The following PTPRT variants were observed in gnomAD, a reference collection of about 807,000 sequenced individuals.
PTPRT encodes receptor-type tyrosine-protein phosphatase T.
In PTPRT, 56 loss-of-function variants were observed where a neutral mutation model predicts 176.8. That is an observed-to-expected ratio of 0.32 (90% CI 0.26 to 0.40). The LOEUF (loss-of-function observed/expected upper bound fraction) is 0.40. PTPRT is among the 10% of genes least tolerant of loss of function. The pLI, the probability that PTPRT is intolerant of heterozygous loss-of-function variation, is 1.00. For missense variants in PTPRT, 1,540 were observed against 1,908.2 expected, an observed-to-expected ratio of 0.81 and a Z score of 3.60; for synonymous variants, 783 against 739.0, an observed-to-expected ratio of 1.06 and a Z score of -0.96.
chr20:43,091,519 TTTCTC>T (rs2011868544), intron 1 of PTPRT, among the ~76,000 whole-genome samples: 3 of 146,674 alleles, frequency 2.0e-5, no homozygotes, highest in African/African-American at 7.8e-5. Context: ...CCCCCCTCTC[TTTCTC>T]TCTCTCTCTC....
chr20:42,327,725 C>T lies in PTPRT; in HGVS notation c.1866-11729G>A, dbSNP rs149762613. 4.7e-4 allele frequency among the ~76,000 whole-genome samples: 72 copies of T among 152,022 alleles called. 1 individual carries two copies. In the East Asian group the frequency reaches 0.014, roughly 29 times the overall value. The stretch of plus-strand genomic sequence containing the variant: ...GTTTGAAATCAAAGAAAAAGATAAT[C>T]TTGAGTGGAAAAGAATTGTTTAAGC... On this transcript the variant is annotated intron_variant, in intron 11 of 30. Coordinates refer to ENST00000373187, the MANE Select transcript of PTPRT (RefSeq NM_007050.6).
At chr20:42,855,880 T>C (rs1205403088) in intron 2 of PTPRT, among the ~76,000 whole-genome samples, 1 of 152,216 alleles carries the variant, frequency 6.6e-6, no homozygotes, top group Non-Finnish European at 1.5e-5. Flanking sequence ...TTTCCCATTT[T>C]GGATTGACTC....
intron 11 of PTPRT, among the ~76,000 whole-genome samples, chr20:42,317,063 C>A (rs753995924): frequency 1.3e-5 from 2 of 152,118 alleles, no homozygotes; most frequent in Non-Finnish European, 2.9e-5. Flanking sequence ...TGCCTGTCAC[C>A]CAACAAGTGA....
At chr20:42,183,099 ATCCT>A (rs1376294475) in intron 16 of PTPRT, among the ~76,000 whole-genome samples, 3 of 152,122 alleles carry the variant, frequency 2.0e-5, no homozygotes, top group Non-Finnish European at 4.4e-5. Context: ...AACCGACTCA[ATCCT>A]TCCTTTCTAC....
chr20:42,283,578 G>T (rs1330207918), intron 12 of PTPRT, among the ~76,000 whole-genome samples: 1 of 151,986 alleles, frequency 6.6e-6, no homozygotes, highest in East Asian at 1.9e-4. Context: ...GGGTCTAAGG[G>T]GTGAGATTGG....
chr20:42,744,054 A>T (rs369793097), intron 6 of PTPRT, among the ~76,000 whole-genome samples: 14 of 152,226 alleles, frequency 9.2e-5, no homozygotes, highest in African/African-American at 3.4e-4. Flanking sequence ...GGCCAGGTAC[A>T]AGGACAGTTC....
At chr20:43,138,657 C>A (rs2013909406) in intron 1 of PTPRT, among the ~76,000 whole-genome samples, 1 of 152,192 alleles carries the variant, frequency 6.6e-6, no homozygotes, top group Non-Finnish European at 1.5e-5. Flanking sequence ...AACCCCCTCA[C>A]CTGTGACGGG....
intron 15 of PTPRT, among the ~76,000 whole-genome samples, chr20:42,212,641 T>C (rs1434898630): frequency 2.0e-5 from 3 of 152,120 alleles, no homozygotes; most frequent in Non-Finnish European, 4.4e-5. Context: ...GCCAGTTTCC[T>C]CCTGCCTGTA....
intron 1 of PTPRT, among the ~76,000 whole-genome samples, chr20:42,920,963 G>A (rs1979109983): frequency 6.6e-6 from 1 of 152,314 alleles, no homozygotes; most frequent in South Asian, 2.1e-4. Flanking sequence ...GAAATATGGA[G>A]GTTGGGAACA....
intron 6 of PTPRT, among the ~76,000 whole-genome samples, chr20:42,703,721 G>T (rs2076008850): frequency 6.6e-6 from 1 of 152,186 alleles, no homozygotes; most frequent in Non-Finnish European, 1.5e-5. Context: ...GGCCATACAA[G>T]AATCCAAGGA....
chr20:42,073,999 G>A lies in PTPRT; in HGVS notation c.*6880C>T, dbSNP rs965084163. On this transcript the variant is annotated 3_prime_UTR_variant, in exon 31 of 31. Coordinates refer to ENST00000373187, the MANE Select transcript of PTPRT (RefSeq NM_007050.6). ...TACAGCTATTAAGTTTCACTCATGGGTCCTAGTTATACTCAGAGGAGTGAC... is the reference window on the plus strand; with the variant it reads ...TACAGCTATTAAGTTTCACTCATGGATCCTAGTTATACTCAGAGGAGTGAC... The A allele has an allele frequency of 8.7e-6, 2 of 230,674 alleles. No homozygotes were observed. The highest frequency in any genetic ancestry group is 2.2e-5 in the African/African-American group (1 of 45,198). 14.3% of individuals were successfully genotyped at this position (230,674 alleles called of 1,614,324 possible). A position where few individuals can be genotyped will look rare whatever the true frequency, so the allele number is the denominator to read the frequency against.
At chr20:43,091,965 C>T (rs867589587) in intron 1 of PTPRT, among the ~76,000 whole-genome samples, 5 of 152,218 alleles carry the variant, frequency 3.3e-5, no homozygotes, top group South Asian at 2.1e-4. Flanking sequence ...AGTCTAGCAA[C>T]TGATGGAGTG....
chr20:42,511,979 A>C (rs1352171665), intron 7 of PTPRT, among the ~76,000 whole-genome samples: 1 of 152,140 alleles, frequency 6.6e-6, no homozygotes, highest in East Asian at 1.9e-4. Flanking sequence ...AAGAAGAGTA[A>C]ATAGGAAAGG....
intron 2 of PTPRT, among the ~76,000 whole-genome samples, chr20:42,795,526 A>C (rs1236398964): frequency 2.0e-5 from 3 of 152,224 alleles, no homozygotes; most frequent in Non-Finnish European, 4.4e-5. Flanking sequence ...ATTGTTCATT[A>C]AGATTACATG....
intron 9 of PTPRT, among the ~76,000 whole-genome samples, chr20:42,433,852 A>G (rs2059237576): frequency 6.6e-6 from 1 of 152,164 alleles, no homozygotes; most frequent in Non-Finnish European, 1.5e-5. Flanking sequence ...GGGAAAAGGA[A>G]AGCAGAAATT....
chr20:42,767,981 C>CACAA (rs2077008452), intron 5 of PTPRT, among the ~76,000 whole-genome samples: 2 of 97,216 alleles, frequency 2.1e-5, no homozygotes, highest in Non-Finnish European at 4.5e-5. Context: ...AAATTATACA[C>CACAA]ACACACACAC....
chr20:42,194,122 A>G (rs1412479229), intron 16 of PTPRT, among the ~76,000 whole-genome samples: 1 of 152,174 alleles, frequency 6.6e-6, no homozygotes, highest in Non-Finnish European at 1.5e-5. Flanking sequence ...TTTTGCAGAA[A>G]GACTTCGTAA....
intron 7 of PTPRT, among the ~76,000 whole-genome samples, chr20:42,480,738 C>T (rs911700844): frequency 7.2e-5 from 11 of 152,114 alleles, no homozygotes; most frequent in African/African-American, 2.4e-4. Flanking sequence ...GCATGCACAA[C>T]CCTGACATTC....
intron 7 of PTPRT, among the ~76,000 whole-genome samples, chr20:42,614,426 A>G (rs948179787): frequency 3.3e-5 from 5 of 152,158 alleles, no homozygotes; most frequent in African/African-American, 1.2e-4. Context: ...TCCAACCACA[A>G]CTTTCTTTGA....
Sources: gnomAD v4.1 joint callset for allele counts (sites outside exome capture counted in the v4.1 genomes callset) on GRCh38, gnomAD v4.1.1 for gene constraint, MANE v1.5 for transcripts, NCBI Gene and HGNC (gene_info 2026-07-23, HGNC 2026-07-21) for gene names.